The following FAM118A variants were observed in gnomAD, a reference collection of about 807,000 sequenced individuals.
FAM118A encodes protein FAM118A.
A neutral mutation model predicts 38.2 loss-of-function variants in FAM118A; 25 were observed. The ratio of observed to expected loss-of-function variants is 0.65; its 90% CI spans 0.48 to 0.91. The LOEUF (loss-of-function observed/expected upper bound fraction) is 0.91. Among genes scored for constraint, FAM118A ranks in the 40% least tolerant of loss-of-function variants. The pLI is 0.00. For synonymous variants in FAM118A, 178 were observed against 184.1 expected, an observed-to-expected ratio of 0.97 and a Z score of 0.27; for missense variants, 425 against 463.3, an observed-to-expected ratio of 0.92 and a Z score of 0.76.
At chr22:45,337,785 TC>T in intron 8 of FAM118A, 3 of 980,392 alleles carry the variant, frequency 3.1e-6, no homozygotes, top group African/African-American at 1.7e-5. Flanking sequence ...TGAGGCCGCT[TC>T]TGCAGACCCC....
At chr22:45,314,287 G>A (rs1265349498) in intron 1 of FAM118A, among the ~76,000 whole-genome samples, 2 of 152,230 alleles carry the variant, frequency 1.3e-5, no homozygotes, top group Non-Finnish European at 2.9e-5. Flanking sequence ...TCCTGGAGCT[G>A]CTCTGCCTGC....
At chr22:45,335,697 G>C (rs111472175) in intron 7 of FAM118A, among the ~76,000 whole-genome samples, 1 of 152,246 alleles carries the variant, frequency 6.6e-6, no homozygotes, top group Non-Finnish European at 1.5e-5. Flanking sequence ...ATACCATGTG[G>C]TGCCAGATGC....
At chr22:45,328,972 G>T (rs2085512211) in intron 4 of FAM118A, 1 of 154,490 alleles carries the variant, frequency 6.5e-6, no homozygotes, top group African/African-American at 2.4e-5. Flanking sequence ...AGAGAGAGTG[G>T]CAGGGGGGTG....
intron 1 of FAM118A, among the ~76,000 whole-genome samples, chr22:45,314,937 G>T (rs1049605784): frequency 2.0e-5 from 3 of 152,236 alleles, no homozygotes; most frequent in Non-Finnish European, 4.4e-5. Context: ...CTTGGGGCTG[G>T]CCTGTTAGAA....
chr22:45,334,679 A>C (rs1601983451), intron 6 of FAM118A, among the ~76,000 whole-genome samples: 1 of 152,344 alleles, frequency 6.6e-6, no homozygotes, highest in South Asian at 2.1e-4. Context: ...CTGAGCTGGC[A>C]CAGGCACATA....
intron 1 of FAM118A, among the ~76,000 whole-genome samples, chr22:45,319,864 G>A (rs776199008): frequency 5.3e-5 from 8 of 152,332 alleles, no homozygotes; most frequent in African/African-American, 9.6e-5. Context: ...TTTCCCTGGG[G>A]CAGGTTACAG....
At position 45,312,162 on chromosome 22, in the gene FAM118A, C is replaced by T. The variant is rs145843674; in HGVS notation, c.-10+1979C>T. Among the ~76,000 whole-genome samples, 15 of 152,250 alleles carry T rather than the reference C, an allele frequency of 9.9e-5. No individual in the cohort carries two copies. The East Asian group carries it at 2.9e-3, about 29-fold the overall frequency. ...GACCAAATGTGAGGAGAGGTTTCTC[C>T]CTGCCACCAAGCGGGCAGTCATTTG... On this transcript the variant is annotated intron_variant, in intron 1 of 8. Transcript: ENST00000441876.
intron 7 of FAM118A, 152 bp downstream of exon 7, chr22:45,335,534 C>CTAAGG: frequency 1.1e-6 from 1 of 875,818 alleles, no homozygotes; most frequent in Non-Finnish European, 1.8e-6. Context: ...AATAGCCATG[C>CTAAGG]CTTAGCATGG....
chr22:45,328,479 T>A, intron 4 of FAM118A: 1 of 850,832 alleles, frequency 1.2e-6, no homozygotes, highest in Non-Finnish European at 2.1e-6. Flanking sequence ...GAATTACTAA[T>A]AAAGTAGCCA....
At chr22:45,330,012 T>C (rs2085590922) in intron 4 of FAM118A, 1 of 152,266 alleles carries the variant, frequency 6.6e-6, no homozygotes. Context: ...ATTTGATAAA[T>C]ACTTTTCTCC....
In FAM118A at chr22:45,323,239, G is replaced by C. The variant is rs2085009090; in HGVS notation, c.112G>C (p.Val38Leu). Reference protein sequence around the residue: ...QELLLVIGTGVSAAVAPGIPA... With the variant: ...QELLLVIGTGLSAAVAPGIPA... ...ACTGCTCCTGGTTATCGGGACTGGC[G>C]TCAGCGCAGCAGTGGCCCCCGGAAT... Residue 38 changes from valine to leucine, a missense_variant, in exon 3 of 9, where the codon GTC becomes CTC. Transcript: ENST00000441876. The C allele has an allele frequency of 6.2e-7, 1 of 1,614,246 alleles. No homozygotes were observed. Among genetic ancestry groups the C allele is most frequent in the Non-Finnish European group, 8.5e-7 (1 of 1,180,042 alleles).
In FAM118A at chr22:45,337,354, C is replaced by T. The variant is rs1397158639; in HGVS notation, c.1054+943C>T. ...CCAGCATGTGTGTTGTGTCTGTGGGCCCAGTGCCACGCCGCCTGTGCCAGC... is the reference window on the plus strand; with the variant it reads ...CCAGCATGTGTGTTGTGTCTGTGGGTCCAGTGCCACGCCGCCTGTGCCAGC... On this transcript the variant is annotated intron_variant, in intron 8 of 8. Coordinates refer to ENST00000441876, the MANE Select transcript of FAM118A (RefSeq NM_017911.4). Among the ~76,000 whole-genome samples the T allele has an allele frequency of 2.0e-5, 3 of 152,308 alleles. No individual in the cohort carries two copies. The East Asian group carries it at 5.8e-4, about 29-fold the overall frequency.
intron 1 of FAM118A, among the ~76,000 whole-genome samples, chr22:45,320,824 G>A (rs2084832664): frequency 6.6e-6 from 1 of 152,198 alleles, no homozygotes; most frequent in Non-Finnish European, 1.5e-5. Context: ...AAGCGGTTTG[G>A]TGGTGTGTGC....
chr22:45,323,041 C>CTCTGTGTGTGTGTGTGTGTGTG (rs34063912), intron 2 of FAM118A, 134 bp from the exon 3 acceptor site: 2 of 620,026 alleles, frequency 3.2e-6, no homozygotes, highest in African/African-American at 2.0e-5. Context: ...TCAGAGGGGA[C>CTCTGTGTGTGTGTGTGTGTGTG]TGTGTGTGTG....
In FAM118A at chr22:45,322,426, G is replaced by A. The variant is rs769105385; in HGVS notation, c.47G>A (p.Arg16Lys). Residue 16 changes from arginine (R) to lysine (K), a missense_variant and splice_region_variant, in exon 2 of 9, where the codon AGA (arginine) becomes AAA (lysine). Arg to Lys is a conservative substitution (Grantham distance 26, BLOSUM62 2). Transcript: ENST00000441876. ...ACAAATAGAAGTGAACAAAAATCCA[G>A]GTAATTAAAGGCAACTATACCTTCA... The part of the protein sequence containing the change: ...KTTNRSEQKS[R>K]KFLKSLIRKQ... 1.2e-6 allele frequency: 2 copies of A among 1,609,592 alleles called. No individual in the cohort carries two copies. The highest frequency in any genetic ancestry group is 1.1e-5 in the South Asian group (1 of 89,764).
At position 45,310,103 on chromosome 22, in the gene FAM118A, A is replaced by C. The variant is rs2146565444; in HGVS notation, c.-90A>C. 6.7e-6 allele frequency: 1 copy of C among 148,960 alleles called. No homozygotes were observed. Among genetic ancestry groups the C allele is most frequent in the African/African-American group, 2.5e-5 (1 of 40,194 alleles). The allele number at this position is 148,960 out of a possible 1,614,324, so 9.2% of individuals were successfully genotyped here. ...CAGCGTCAGGGGTGCGCGGCCGCCG[A>C]GAGACCCCGGAGGCGTAGCCGGCTG... is the stretch of plus-strand genomic sequence containing the variant. On this transcript the variant is annotated 5_prime_UTR_variant, in exon 1 of 9. Transcript: ENST00000441876.
chr22:45,322,782 G>A (rs1376083227), intron 2 of FAM118A, among the ~76,000 whole-genome samples: 1 of 152,186 alleles, frequency 6.6e-6, no homozygotes. Context: ...ATTGGTGGGT[G>A]GCAGGAAACC....
chr22:45,324,379 G>C (rs553026748), intron 3 of FAM118A, among the ~76,000 whole-genome samples: 1 of 152,216 alleles, frequency 6.6e-6, no homozygotes, highest in Non-Finnish European at 1.5e-5. Flanking sequence ...ATGTGCGTGC[G>C]CGGGGAGTGC....
rs756876712 is a variant in FAM118A at position 45,327,825 on chromosome 22, G to A, written c.301-17G>A. 1.1e-4 allele frequency: 174 copies of A among 1,613,682 alleles called. No individual in the cohort carries two copies. The highest frequency in any genetic ancestry group is 1.3e-4 in the Non-Finnish European group (159 of 1,179,748). ...AAGAGCTGATGTTTTGGTAACTGTC[G>A]TTCCACCTTTTTGTAGCGCACAGGC... On this transcript the variant is annotated splice_polypyrimidine_tract_variant and intron_variant, in intron 3 of 8. Transcript: ENST00000441876.
Sources: allele counts gnomAD v4.1 joint callset (sites outside exome capture counted in the v4.1 genomes callset), GRCh38; gene constraint gnomAD v4.1.1; transcripts MANE v1.5; gene names NCBI Gene and HGNC (gene_info 2026-07-23, HGNC 2026-07-21).